Variants in TECRL observed in about 807,000 individuals in gnomAD.
TECRL encodes the protein trans-2,3-enoyl-CoA reductase-like.
Under a neutral mutation model 52.8 loss-of-function variants are expected in TECRL, and 63 were observed. That is an observed-to-expected ratio of 1.19 (90% CI 0.97 to 1.47). The LOEUF is 1.47. Among genes scored for constraint, TECRL ranks in the 40% most tolerant of loss-of-function variants. TECRL has a pLI of 0.00. For synonymous variants in TECRL, 164 were observed against 141.9 expected, an observed-to-expected ratio of 1.16 and a Z score of -1.10; for missense variants, 482 against 429.6, an observed-to-expected ratio of 1.12 and a Z score of -1.08.
intron 5 of TECRL, among the ~76,000 whole-genome samples, chr4:64,312,075 G>T (rs1717049578): frequency 6.6e-6 from 1 of 152,290 alleles, no homozygotes; most frequent in East Asian, 1.9e-4. Flanking sequence ...GTGTGCGGAG[G>T]TTTCTAAGTG....
At chr4:64,287,817 A>G (rs1723157183) in intron 9 of TECRL, among the ~76,000 whole-genome samples, 1 of 152,178 alleles carries the variant, frequency 6.6e-6, no homozygotes, top group African/African-American at 2.4e-5. Context: ...ATGTTAGACA[A>G]AAAGCAAATT....
chr4:64,388,719 T>G (rs1274234320), intron 1 of TECRL, among the ~76,000 whole-genome samples: 2 of 151,936 alleles, frequency 1.3e-5, no homozygotes, highest in Admixed American at 1.3e-4. Flanking sequence ...ATTTTAGTTT[T>G]CCTCATGCTG....
At chr4:64,295,961 A>T (rs1357434623) in intron 8 of TECRL, among the ~76,000 whole-genome samples, 1 of 151,986 alleles carries the variant, frequency 6.6e-6, no homozygotes, top group African/African-American at 2.4e-5. Context: ...TATTCTTTAT[A>T]TCAGATGCTT....
chr4:64,351,862 T>C (rs1720416602), intron 2 of TECRL, among the ~76,000 whole-genome samples: 1 of 152,182 alleles, frequency 6.6e-6, no homozygotes, highest in African/African-American at 2.4e-5. Context: ...TCTAATTCAG[T>C]ATAGAGCAAA....
At chr4:64,313,724 A>G (rs1010480886) in intron 5 of TECRL, among the ~76,000 whole-genome samples, 1 of 149,464 alleles carries the variant, frequency 6.7e-6, no homozygotes, top group Admixed American at 6.6e-5. Flanking sequence ...CTTGTGATCC[A>G]CCCGCCTAGG....
chr4:64,352,293 A>C lies in TECRL; in HGVS notation c.286+22879T>G, dbSNP rs139179517. Reference sequence around the variant, plus strand: ...ATCAACAATTTCTCTTGAAGAAACTAGGATAAGAAATTAATATTGAACAGA... The same window carrying C: ...ATCAACAATTTCTCTTGAAGAAACTCGGATAAGAAATTAATATTGAACAGA... On this transcript the variant is annotated intron_variant, in intron 2 of 11. Transcript: ENST00000381210. 8.7e-3 allele frequency among the ~76,000 whole-genome samples: 1,320 copies of C among 152,318 alleles called. 13 individuals carry two copies. Among genetic ancestry groups the C allele is most frequent in the Middle Eastern group, 0.02 (6 of 294 alleles).
chr4:64,299,113 A>T (rs1181223860), intron 8 of TECRL: 4 of 151,198 alleles, frequency 2.6e-5, no homozygotes, highest in Non-Finnish European at 5.9e-5. Flanking sequence ...AGACAAAAAA[A>T]AAGATCTCTC....
intron 4 of TECRL, among the ~76,000 whole-genome samples, chr4:64,316,338 T>C (rs1006213855): frequency 2.6e-5 from 4 of 152,256 alleles, no homozygotes; most frequent in Admixed American, 6.5e-5. Flanking sequence ...CCTACTAGTA[T>C]ATAAAATATG....
chr4:64,360,381 A>G (rs754020199), intron 2 of TECRL, among the ~76,000 whole-genome samples: 19 of 152,214 alleles, frequency 1.2e-4, no homozygotes, highest in Non-Finnish European at 2.5e-4. Flanking sequence ...TTTCATTAAT[A>G]TATTCAAGTT....
At chr4:64,281,449 G>A (rs768987270) in intron 10 of TECRL, 25 bp downstream of exon 10, 19 of 1,371,088 alleles carry the variant, frequency 1.4e-5, no homozygotes, top group African/African-American at 4.4e-5. Flanking sequence ...TAGGATTCAA[G>A]CATTTACATA....
chr4:64,319,181 A>G (rs1289505965), intron 4 of TECRL, among the ~76,000 whole-genome samples: 1 of 151,910 alleles, frequency 6.6e-6, no homozygotes, highest in Non-Finnish European at 1.5e-5. Context: ...CAAAGGTAAT[A>G]GAAAAGACAG....
At chr4:64,299,498 A>G (rs1281863958) in intron 8 of TECRL, among the ~76,000 whole-genome samples, 1 of 151,192 alleles carries the variant, frequency 6.6e-6, no homozygotes, top group Non-Finnish European at 1.5e-5. Context: ...AATTTTATCT[A>G]CATATATGTT....
chr4:64,347,863 T>C (rs1005212294), intron 2 of TECRL, among the ~76,000 whole-genome samples: 2 of 152,104 alleles, frequency 1.3e-5, no homozygotes, highest in South Asian at 2.1e-4. Context: ...CCAAATCTAA[T>C]GTCTTTTCAC....
intron 1 of TECRL, among the ~76,000 whole-genome samples, chr4:64,375,909 C>A (rs115051245): frequency 6.6e-6 from 1 of 151,684 alleles, no homozygotes; most frequent in Non-Finnish European, 1.5e-5. Flanking sequence ...TTCAAGCCAT[C>A]GCAATACTTT....
At chr4:64,397,215 A>C (rs545309189) in intron 1 of TECRL, among the ~76,000 whole-genome samples, 1 of 152,184 alleles carries the variant, frequency 6.6e-6, no homozygotes, top group African/African-American at 2.4e-5. Flanking sequence ...CAAACAGTAA[A>C]ATCTAGGTTA....
At position 64,309,940 on chromosome 4, in the gene TECRL, A is replaced by T. The variant is rs1577846511; in HGVS notation, c.552-9T>A. 6.5e-7 allele frequency: 1 copy of T among 1,545,866 alleles called. No individual in the cohort carries two copies. Among genetic ancestry groups the T allele is most frequent in the East Asian group, 2.3e-5 (1 of 43,852 alleles). On this transcript the variant is annotated splice_polypyrimidine_tract_variant and intron_variant, in intron 5 of 11. Coordinates refer to ENST00000381210, the MANE Select transcript of TECRL (RefSeq NM_001010874.5). The stretch of plus-strand genomic sequence containing the variant: ...GACAGAAGCAAGCCAAGCTGGAAAA[A>T]AAAATAAAACATAAACATGAAAATC...
intron 1 of TECRL, among the ~76,000 whole-genome samples, chr4:64,406,127 G>T (rs971190531): frequency 2.0e-5 from 3 of 148,938 alleles, no homozygotes; most frequent in East Asian, 2.0e-4. Flanking sequence ...AGAGGCAAGA[G>T]AAAGCTTTTT....
At chr4:64,365,933 C>T (rs1036138018) in intron 2 of TECRL, among the ~76,000 whole-genome samples, 27 of 151,992 alleles carry the variant, frequency 1.8e-4, no homozygotes, top group Non-Finnish European at 3.4e-4. Context: ...CCAAAGGAAT[C>T]CTAAGCAAAC....
Position 64,309,723 on chromosome 4 carries a change from C to T in TECRL, c.657+103G>A, listed in dbSNP as rs778603008. 2.8e-5 allele frequency: 22 copies of T among 786,118 alleles called. 1 individual carries two copies. Among genetic ancestry groups the T allele is most frequent in the Middle Eastern group, 2.3e-4 (1 of 4,328 alleles). 48.7% of individuals were successfully genotyped at this position (786,118 alleles called of 1,614,324 possible). On this transcript the variant is annotated intron_variant, in intron 6 of 11. Coordinates refer to ENST00000381210, the MANE Select transcript of TECRL (RefSeq NM_001010874.5). ...GTTTAAGTATGCTTATGCAATTAAA[C>T]GTGAAAATCTAAGTTTCGGAAGGAA...
Sources: allele counts gnomAD v4.1 joint callset (sites outside exome capture counted in the v4.1 genomes callset), GRCh38; gene constraint gnomAD v4.1.1; transcripts MANE v1.5; gene names NCBI Gene and HGNC (gene_info 2026-07-23, HGNC 2026-07-21).